The following RGS21 variants were observed in gnomAD, a reference collection of about 807,000 sequenced individuals.
The protein encoded by RGS21 is regulator of G protein signaling 21.
Under a neutral mutation model 18.7 loss-of-function variants are expected in RGS21, and 19 were observed. The ratio of observed to expected loss-of-function variants is 1.01; its 90% CI spans 0.71 to 1.49. The LOEUF is 1.49. Ranked by LOEUF, RGS21 falls within the 40% of genes most tolerant of loss-of-function variation. RGS21 has a pLI of 0.00. For missense variants in RGS21, 194 were observed against 176.8 expected (o/e 1.10, Z -0.55); for synonymous variants, 56 against 57.8 (o/e 0.97, Z 0.14).
intron 1 of RGS21, among the ~76,000 whole-genome samples, chr1:192,339,998 A>G (rs1287082596): frequency 2.0e-5 from 3 of 152,090 alleles, no homozygotes; most frequent in Non-Finnish European, 4.4e-5. Context: ...GGAGTTAAAC[A>G]TGATCTTTAA....
At chr1:192,342,619 C>A (rs1471621875) in intron 1 of RGS21, among the ~76,000 whole-genome samples, 1 of 151,466 alleles carries the variant, frequency 6.6e-6, no homozygotes, top group Non-Finnish European at 1.5e-5. Flanking sequence ...ATCTCTTAGG[C>A]AGATTAAAGA....
intron 1 of RGS21, among the ~76,000 whole-genome samples, chr1:192,329,776 T>G (rs1170591387): frequency 6.6e-6 from 1 of 151,918 alleles, no homozygotes; most frequent in Non-Finnish European, 1.5e-5. Context: ...AAAAAAAAAT[T>G]GAATCATGCT....
At chr1:192,350,209 G>A (rs975502529) in intron 3 of RGS21, among the ~76,000 whole-genome samples, 2 of 152,084 alleles carry the variant, frequency 1.3e-5, no homozygotes, top group Non-Finnish European at 2.9e-5. Context: ...ATTGGTACCT[G>A]ATAACCTTTT....
chr1:192,343,968 T>A (rs570070945), intron 2 of RGS21, among the ~76,000 whole-genome samples: 1 of 152,212 alleles, frequency 6.6e-6, no homozygotes, highest in African/African-American at 2.4e-5. Context: ...TTCTCCAACT[T>A]TTATTCAATA....
At chr1:192,360,745 C>T (rs1659176979) in intron 4 of RGS21, among the ~76,000 whole-genome samples, 1 of 152,120 alleles carries the variant, frequency 6.6e-6, no homozygotes, top group Non-Finnish European at 1.5e-5. Context: ...TCTTTCTTCT[C>T]AAAACCCACA....
chr1:192,347,374 CT>C lies in RGS21; in HGVS notation c.77del (p.Leu26Ter). On this transcript the variant is annotated frameshift_variant, in exon 3 of 5. Transcript: ENST00000417209. LOFTEE classifies it high-confidence loss of function. ...TMTWSENMDT[L>X]LANQAGLDAF... ...GACATGGTCTGAAAATATGGACACG[CT>C]TTTAGCCAACCAAGGTAAGATTTAA... The C allele has an allele frequency of 6.3e-7, 1 of 1,591,978 alleles. No individual in the cohort carries two copies. The highest frequency in any genetic ancestry group is 8.6e-7 in the Non-Finnish European group (1 of 1,161,474).
intron 1 of RGS21, among the ~76,000 whole-genome samples, chr1:192,322,050 G>A (rs150251046): frequency 6.6e-6 from 1 of 152,178 alleles, no homozygotes; most frequent in East Asian, 1.9e-4. Flanking sequence ...AATTACAAGT[G>A]GAACGGCTAA....
intron 1 of RGS21, among the ~76,000 whole-genome samples, chr1:192,340,932 T>C (rs1271878060): frequency 6.6e-6 from 1 of 152,050 alleles, no homozygotes; most frequent in African/African-American, 2.4e-5. Context: ...TACGTGAGAA[T>C]TATGGGAGCT....
intron 4 of RGS21, among the ~76,000 whole-genome samples, chr1:192,362,945 C>G (rs187861890): frequency 4.1e-4 from 63 of 151,846 alleles, no homozygotes; most frequent in African/African-American, 1.4e-3. Context: ...ATGCAAAATC[C>G]CTTAACAGAT....
intron 4 of RGS21, among the ~76,000 whole-genome samples, chr1:192,364,394 T>A (rs1484375522): frequency 6.6e-6 from 1 of 152,286 alleles, no homozygotes; most frequent in South Asian, 2.1e-4. Flanking sequence ...TTCAAATTAC[T>A]TTTTTTATTC....
intron 4 of RGS21, among the ~76,000 whole-genome samples, chr1:192,358,967 T>C (rs748180782): frequency 4.0e-4 from 61 of 152,096 alleles, no homozygotes; most frequent in Non-Finnish European, 7.6e-4. Context: ...TTTAATGCAA[T>C]GGATTGTTGT....
chr1:192,359,505 T>C (rs1204401363), intron 4 of RGS21, among the ~76,000 whole-genome samples: 2 of 151,860 alleles, frequency 1.3e-5, no homozygotes, highest in African/African-American at 4.8e-5. Flanking sequence ...TGTATCCAAG[T>C]ATCTTCTGGT....
intron 1 of RGS21, among the ~76,000 whole-genome samples, chr1:192,322,781 TA>T (rs935060748): frequency 3.9e-5 from 6 of 152,096 alleles, no homozygotes; most frequent in Admixed American, 3.9e-4. Flanking sequence ...AAGATTCTAA[TA>T]ACTGCAAAAA....
At chr1:192,347,088 T>G (rs182322405) in intron 2 of RGS21, among the ~76,000 whole-genome samples, 1 of 152,308 alleles carries the variant, frequency 6.6e-6, no homozygotes, top group African/African-American at 2.4e-5. Flanking sequence ...CAAATATTCT[T>G]AAGACTGTCA....
chr1:192,348,976 T>C (rs1255154098), intron 3 of RGS21, among the ~76,000 whole-genome samples: 3 of 149,166 alleles, frequency 2.0e-5, no homozygotes, highest in Non-Finnish European at 3.0e-5. Context: ...AATTAGAAAG[T>C]ATAAACATCA....
At chr1:192,337,981 T>C (rs183366184) in intron 1 of RGS21, among the ~76,000 whole-genome samples, 23 of 152,300 alleles carry the variant, frequency 1.5e-4, no homozygotes, top group African/African-American at 2.4e-5. Flanking sequence ...CTATCAATGA[T>C]AGTACATGTT....
Position 192,347,468 on chromosome 1 carries a change from A to T in RGS21, c.88+79A>T. On this transcript the variant is annotated intron_variant, in intron 3 of 4. Coordinates refer to ENST00000417209, the MANE Select transcript of RGS21 (RefSeq NM_001039152.3). ...AAATTCTGAAAGTTGGTAACATATC[A>T]TAAAGTATGAGTTTAATCAATGAAG... 3 of 717,468 alleles carry T rather than the reference A, an allele frequency of 4.2e-6. No homozygotes were observed. The South Asian group carries it at 5.6e-5, about 13-fold the overall frequency. 44.4% of individuals were successfully genotyped at this position (717,468 alleles called of 1,614,324 possible). A position where few individuals can be genotyped will look rare whatever the true frequency, so the allele number is the denominator to read the frequency against.
chr1:192,338,175 T>C (rs926820505), intron 1 of RGS21, among the ~76,000 whole-genome samples: 1 of 152,114 alleles, frequency 6.6e-6, no homozygotes, highest in African/African-American at 2.4e-5. Flanking sequence ...TCAAAACATT[T>C]CTAACTTCTC....
intron 1 of RGS21, among the ~76,000 whole-genome samples, chr1:192,333,301 C>T (rs561336393): frequency 6.6e-6 from 1 of 151,882 alleles, no homozygotes; most frequent in South Asian, 2.1e-4. Flanking sequence ...CACACACACA[C>T]ACTTACCATA....
Sources: allele counts gnomAD v4.1 joint callset (sites outside exome capture counted in the v4.1 genomes callset), GRCh38; gene constraint gnomAD v4.1.1; transcripts MANE v1.5; gene names NCBI Gene and HGNC (gene_info 2026-07-23, HGNC 2026-07-21).